POLR3K: variants seen among roughly 807,000 people sequenced by gnomAD.
The protein encoded by POLR3K is RNA polymerase III subunit K.
Under a neutral mutation model 13.5 loss-of-function variants are expected in POLR3K, and 11 were observed. That is an observed-to-expected ratio of 0.81 (90% CI 0.51 to 1.35). POLR3K has a LOEUF of 1.35. POLR3K is among the 40% of genes most tolerant of loss of function. POLR3K has a pLI of 0.00. For synonymous variants in POLR3K, 56 were observed against 51.5 expected (o/e 1.09, Z -0.38); for missense variants, 144 against 145.3 (o/e 0.99, Z 0.05).
At chr16:47,754 G>A (rs977969963) in intron 2 of POLR3K, among the ~76,000 whole-genome samples, 197 bp from the exon 3 acceptor site, 73 of 142,352 alleles carry the variant, frequency 5.1e-4, no homozygotes, top group South Asian at 8.9e-4. Context: ...GGTGGCGGGC[G>A]CCTTTAATCC....
In POLR3K at chr16:53,548, G is replaced by A; in HGVS notation, c.39C>T (p.Ile13=). ...GGTGGCAGCGTTGTCCCTCCTCCAC[G>A]ATCAGCCCGTTCCCGCAGCCGGGGC... ...LFCPGCGNGL[I]VEEGQRCHRF... is the part of the protein sequence containing the mutation. Residue 13 remains isoleucine (I), a synonymous_variant, in exon 1 of 3, where the codon ATC becomes ATT. Coordinates refer to ENST00000293860, the MANE Select transcript of POLR3K (RefSeq NM_016310.5). The A allele has an allele frequency of 6.2e-7, 1 of 1,613,182 alleles. No homozygotes were observed. Among genetic ancestry groups the A allele is most frequent in the South Asian group, 1.1e-5 (1 of 91,024 alleles).
chr16:49,166 C>T (rs1897309383), intron 2 of POLR3K, among the ~76,000 whole-genome samples: 2 of 149,528 alleles, frequency 1.3e-5, no homozygotes, highest in Non-Finnish European at 3.0e-5. Context: ...AAGCCAGGCA[C>T]AGTGGCTCAG....
chr16:46,904 T>C lies in POLR3K; in HGVS notation c.*526A>G, dbSNP rs1261895297. 1 of 152,136 alleles carries C rather than the reference T, an allele frequency of 6.6e-6. No homozygotes were observed. The highest frequency in any genetic ancestry group is 1.9e-4 in the East Asian group (1 of 5,200). 9.4% of individuals were successfully genotyped at this position (152,136 alleles called of 1,614,324 possible). ...TTTTCGTAGCCTGTTCAAATGTAAG[T>C]ATGTAGTCTATTCTGGGATCACTGT... On this transcript the variant is annotated 3_prime_UTR_variant, in exon 3 of 3. Coordinates refer to ENST00000293860, the MANE Select transcript of POLR3K (RefSeq NM_016310.5).
At chr16:51,528 T>C (rs1429938508) in intron 2 of POLR3K, 30 bp downstream of exon 2, 1 of 1,574,686 alleles carries the variant, frequency 6.4e-7, no homozygotes, top group African/African-American at 1.4e-5. Flanking sequence ...TTATCCACAG[T>C]TTAGCAACAG....
chr16:47,471 T>A lies in POLR3K; in HGVS notation c.286A>T (p.Lys96Ter), dbSNP rs1472297174. Residue 96 changes from lysine (K) to a stop codon, truncating the protein, a stop_gained, in exon 3 of 3, where the codon AAG becomes TAG. Transcript: ENST00000293860. LOFTEE classifies it high-confidence loss of function. ...TGTCCACACTGAGCATTGCAGCACTTGTAGAAGGTGGTCATCGGCTCATCT... is the reference window on the plus strand; with the variant it reads ...TGTCCACACTGAGCATTGCAGCACTAGTAGAAGGTGGTCATCGGCTCATCT... ...SADEPMTTFYKCCNAQCGHRW... is the reference protein window; with the variant it reads ...SADEPMTTFY The A allele has an allele frequency of 2.5e-6, 4 of 1,613,380 alleles. No individual in the cohort carries two copies. In the East Asian group the frequency reaches 8.9e-5, roughly 36 times the overall value.
At chr16:51,733 T>C (rs1002291140) in intron 1 of POLR3K, 88 bp from the exon 2 acceptor site, 77 of 1,123,984 alleles carry the variant, frequency 6.9e-5, no homozygotes, top group Middle Eastern at 4.1e-4. Context: ...ACATAAGAGT[T>C]CACTCGGCTG....
Position 47,296 on chromosome 16 carries a change from C to T in POLR3K, c.*134G>A. The T allele has an allele frequency of 8.3e-7, 1 of 1,204,914 alleles. No individual in the cohort carries two copies. The highest frequency in any genetic ancestry group is 2.6e-5 in the East Asian group (1 of 37,992). 74.6% of individuals were successfully genotyped at this position (1,204,914 alleles called of 1,614,324 possible). A position where few individuals can be genotyped will look rare whatever the true frequency, so the allele number is the denominator to read the frequency against. ...TAGGCCATATTTCCTGACCCCCTGGCTCTTCACCTCAAAAGGTTTATCTTT... is the reference window on the plus strand; with the variant it reads ...TAGGCCATATTTCCTGACCCCCTGGTTCTTCACCTCAAAAGGTTTATCTTT... On this transcript the variant is annotated 3_prime_UTR_variant, in exon 3 of 3. Coordinates refer to ENST00000293860, the MANE Select transcript of POLR3K (RefSeq NM_016310.5).
intron 2 of POLR3K, among the ~76,000 whole-genome samples, chr16:48,604 G>T (rs1596456879): frequency 6.6e-6 from 1 of 152,190 alleles, no homozygotes; most frequent in East Asian, 1.9e-4. Flanking sequence ...GAGGTCAGGA[G>T]ATCGAGACCA....
chr16:48,502 C>T (rs999514519), intron 2 of POLR3K, among the ~76,000 whole-genome samples: 2 of 152,166 alleles, frequency 1.3e-5, no homozygotes, highest in African/African-American at 4.8e-5. Context: ...CTGGGAAAAG[C>T]CTGCATTGTC....
chr16:52,252 G>C (rs1897339782), intron 1 of POLR3K: 1 of 149,788 alleles, frequency 6.7e-6, no homozygotes, highest in Non-Finnish European at 1.5e-5. Flanking sequence ...TTCGAGACCA[G>C]CCTGGCCAGC....
rs188615602 is a variant in POLR3K at position 49,108 on chromosome 16, G to A, written c.200-1551C>T. On this transcript the variant is annotated intron_variant, in intron 2 of 2. Coordinates refer to ENST00000293860, the MANE Select transcript of POLR3K (RefSeq NM_016310.5). ...CATAGGTTTGCAGTGAGCAGAGATCGTGCCACTACACTCCAGCCTGGGCAA... is the reference window on the plus strand; with the variant it reads ...CATAGGTTTGCAGTGAGCAGAGATCATGCCACTACACTCCAGCCTGGGCAA... Among the ~76,000 whole-genome samples, 8 of 151,084 alleles carry A rather than the reference G, an allele frequency of 5.3e-5. 1 individual carries two copies. In the East Asian group the frequency reaches 5.9e-4, roughly 11 times the overall value.
Position 46,570 on chromosome 16 carries a change from C to G in POLR3K, c.*860G>C, listed in dbSNP as rs1285468241. On this transcript the variant is annotated 3_prime_UTR_variant, in exon 3 of 3. Transcript: ENST00000293860. The stretch of plus-strand genomic sequence containing the variant: ...AGAAACCCCATCTCTACTAAAAATG[C>G]AAAATTACCCAGGTGTGGTGGTGCA... 1.3e-5 allele frequency: 2 copies of G among 151,876 alleles called. No homozygotes were observed. The highest frequency in any genetic ancestry group is 2.9e-5 in the Non-Finnish European group (2 of 67,980). 9.4% of individuals were successfully genotyped at this position (151,876 alleles called of 1,614,324 possible).
In POLR3K at chr16:47,680, G is replaced by A. The variant is rs545755735; in HGVS notation, c.200-123C>T. ...GCGGATCACCTGAGGTCAGGAGTTC[G>A]AGACCATCCTGGCCAACATGGTGAA... On this transcript the variant is annotated intron_variant, in intron 2 of 2. Coordinates refer to ENST00000293860, the MANE Select transcript of POLR3K (RefSeq NM_016310.5). 235 of 958,254 alleles carry A rather than the reference G, an allele frequency of 2.5e-4. 2 individuals carry two copies. The East Asian group carries it at 4.7e-3, about 19-fold the overall frequency. The allele number at this position is 958,254 out of a possible 1,614,324, so 59.4% of individuals were successfully genotyped here. A position where few individuals can be genotyped will look rare whatever the true frequency, so the allele number is the denominator to read the frequency against.
intron 2 of POLR3K, among the ~76,000 whole-genome samples, chr16:48,875 C>T (rs1471325362): frequency 6.7e-6 from 1 of 148,166 alleles, no homozygotes; most frequent in African/African-American, 2.5e-5. Flanking sequence ...GAGAAGAGGC[C>T]GGGTATGGTG....
chr16:48,149 C>G (rs1222943226), intron 2 of POLR3K, among the ~76,000 whole-genome samples: 2 of 151,758 alleles, frequency 1.3e-5, no homozygotes, highest in African/African-American at 2.4e-5. Flanking sequence ...CTCAACCTCC[C>G]AAAGTGCTGG....
In POLR3K at chr16:47,553, C is replaced by A. The variant is rs753735821; in HGVS notation, c.204G>T (p.Ser68=). The A allele has an allele frequency of 1.2e-6, 2 of 1,611,850 alleles. No homozygotes were observed. The highest frequency in any genetic ancestry group is 1.1e-5 in the South Asian group (1 of 91,004). ...AWENVDSTAE[S]CPKCEHPRAY... ...CACGAGGATGTTCGCATTTGGGACA[C>A]GACTCTGGCAATGAGAAAAAAGAAG... Residue 68 remains serine (S), a synonymous_variant, in exon 3 of 3, where the codon TCG becomes TCT. Coordinates refer to ENST00000293860, the MANE Select transcript of POLR3K (RefSeq NM_016310.5).
intron 1 of POLR3K, 124 bp downstream of exon 1, chr16:53,352 G>C: frequency 1.4e-6 from 2 of 1,442,594 alleles, no homozygotes; most frequent in Non-Finnish European, 1.8e-6. Flanking sequence ...CTGCAGACCA[G>C]AAAGGGGCGC....
intron 2 of POLR3K, among the ~76,000 whole-genome samples, chr16:50,211 G>A (rs1273841871): frequency 8.6e-5 from 13 of 152,020 alleles, no homozygotes; most frequent in African/African-American, 2.2e-4. Context: ...CGCCCGCCTC[G>A]GCCTCCCAAA....
Position 47,274 on chromosome 16 carries a change from G to A in POLR3K, c.*156C>T, listed in dbSNP as rs567228344. On this transcript the variant is annotated 3_prime_UTR_variant, in exon 3 of 3. Coordinates refer to ENST00000293860, the MANE Select transcript of POLR3K (RefSeq NM_016310.5). Reference sequence around the variant, plus strand: ...TTCATCCACCCTGCCTGGCAGATAGGCCATATTTCCTGACCCCCTGGCTCT... The same window carrying A: ...TTCATCCACCCTGCCTGGCAGATAGACCATATTTCCTGACCCCCTGGCTCT... 38 of 916,784 alleles carry A rather than the reference G, an allele frequency of 4.1e-5. No individual in the cohort carries two copies. The East Asian group carries it at 1.1e-3, about 27-fold the overall frequency. 56.8% of individuals were successfully genotyped at this position (916,784 alleles called of 1,614,324 possible).
Sources: allele counts gnomAD v4.1 joint callset (sites outside exome capture counted in the v4.1 genomes callset), GRCh38; gene constraint gnomAD v4.1.1; transcripts MANE v1.5; gene names NCBI Gene and HGNC (gene_info 2026-07-23, HGNC 2026-07-21).